CRTAC1: variants seen among roughly 807,000 people sequenced by gnomAD.
CRTAC1 encodes the protein cartilage acidic protein 1.
In CRTAC1, 37 loss-of-function variants were observed where a neutral mutation model predicts 67.8. The ratio of observed to expected loss-of-function variants is 0.55; its 90% CI spans 0.42 to 0.72. The LOEUF (loss-of-function observed/expected upper bound fraction) is 0.72. CRTAC1 is among the 30% of genes least tolerant of loss of function. The pLI is 0.00. For missense variants in CRTAC1, 780 were observed against 931.6 expected (o/e 0.84, Z 2.12); for synonymous variants, 348 against 371.0 (o/e 0.94, Z 0.71).
At chr10:97,933,225 G>A (rs2051028210) in intron 3 of CRTAC1, among the ~76,000 whole-genome samples, 1 of 152,248 alleles carries the variant, frequency 6.6e-6, no homozygotes, top group South Asian at 2.1e-4. Context: ...TCACTCAACT[G>A]AAAAATTAAC....
chr10:97,973,626 G>A (rs1317721534), intron 2 of CRTAC1, among the ~76,000 whole-genome samples: 3 of 151,992 alleles, frequency 2.0e-5, no homozygotes, highest in African/African-American at 7.3e-5. Context: ...TAATTCTAGG[G>A]AACGCTTCCC....
intron 2 of CRTAC1, among the ~76,000 whole-genome samples, chr10:97,972,328 TTATAA>T (rs1227948909): frequency 1.3e-5 from 2 of 152,104 alleles, no homozygotes; most frequent in Admixed American, 6.5e-5. Flanking sequence ...GCAGTGTATG[TTATAA>T]GGGAACAGGG....
intron 2 of CRTAC1, among the ~76,000 whole-genome samples, chr10:97,982,647 A>AG (rs1175419333): frequency 6.6e-6 from 1 of 152,208 alleles, no homozygotes; most frequent in Non-Finnish European, 1.5e-5. Flanking sequence ...AATTCAGATT[A>AG]GGGGGTGAGC....
rs902994115 is a variant in CRTAC1 at position 97,975,107 on chromosome 10, C to G, written c.224+36031G>C. Among the ~76,000 whole-genome samples the G allele has an allele frequency of 2.6e-5, 4 of 152,058 alleles. No individual in the cohort carries two copies. In the East Asian group the frequency reaches 5.8e-4, roughly 22 times the overall value. On this transcript the variant is annotated intron_variant, in intron 2 of 14. Transcript: ENST00000370597. This position sits in a 1 kb window ranked among gnomAD's most constrained non-coding sequence, Gnocchi z 4.8. ...GGCCCGGGAGGAGCGGCGGAGGGGC[C>G]GGAGCCTACAGTTAAATCTGGCTAA...
At chr10:97,934,327 G>GC (rs1233056495) in intron 3 of CRTAC1, among the ~76,000 whole-genome samples, 1 of 152,192 alleles carries the variant, frequency 6.6e-6, no homozygotes, top group African/African-American at 2.4e-5. Flanking sequence ...GCATAATCAT[G>GC]CCCTGATATT....
chr10:97,900,366 T>C (rs1346444130), intron 8 of CRTAC1, among the ~76,000 whole-genome samples: 1 of 152,248 alleles, frequency 6.6e-6, no homozygotes, highest in Non-Finnish European at 1.5e-5. Flanking sequence ...ATCCATCTTT[T>C]GGAAAATTAA....
chr10:97,937,257 G>C (rs1340560220), intron 2 of CRTAC1, among the ~76,000 whole-genome samples: 1 of 152,116 alleles, frequency 6.6e-6, no homozygotes, highest in Non-Finnish European at 1.5e-5. Context: ...CCAGGATGCT[G>C]TTCCTCCAGA....
At chr10:98,024,795 C>CCACACACACACA (rs112213274) in intron 1 of CRTAC1, among the ~76,000 whole-genome samples, 5 of 118,514 alleles carry the variant, frequency 4.2e-5, no homozygotes, top group African/African-American at 1.7e-4. Flanking sequence ...CACCTCTCCA[C>CCACACACACACA]CACACACACA....
chr10:97,876,556 T>C (rs1296579658), intron 14 of CRTAC1, among the ~76,000 whole-genome samples: 1 of 152,174 alleles, frequency 6.6e-6, no homozygotes, highest in Non-Finnish European at 1.5e-5. Context: ...GGCTGCCTGG[T>C]GCAGGCAGGT....
chr10:97,880,218 G>A, intron 14 of CRTAC1, 31 bp downstream of exon 14: 1 of 1,608,530 alleles, frequency 6.2e-7, no homozygotes, highest in African/African-American at 1.3e-5. Flanking sequence ...ACATCCTTTT[G>A]CTACTGGCCT....
intron 2 of CRTAC1, among the ~76,000 whole-genome samples, chr10:97,946,835 T>C (rs514014): frequency 0.36 from 54,872 of 151,800 alleles, 10,344 homozygotes; most frequent in Non-Finnish European, 0.43. Flanking sequence ...AACACAGAAA[T>C]TGGAACAATG....
intron 13 of CRTAC1, among the ~76,000 whole-genome samples, chr10:97,881,249 C>T (rs2050209928): frequency 6.6e-6 from 1 of 152,246 alleles, no homozygotes; most frequent in Admixed American, 6.5e-5. Flanking sequence ...CCAGGCCATA[C>T]TGGCATCCCT....
intron 2 of CRTAC1, among the ~76,000 whole-genome samples, chr10:97,953,073 C>T (rs912060566): frequency 6.6e-6 from 1 of 152,048 alleles, no homozygotes; most frequent in Non-Finnish European, 1.5e-5. Flanking sequence ...AGGAAGCCAG[C>T]GATTTTATTT....
Position 97,908,143 on chromosome 10 carries a change from GC to G in CRTAC1, c.719del (p.Gly240AlafsTer84), listed in dbSNP as rs759017820. On this transcript the variant is annotated frameshift_variant, in exon 6 of 15. Coordinates refer to ENST00000370597, the MANE Select transcript of CRTAC1 (RefSeq NM_018058.7). LOFTEE classifies it high-confidence loss of function. ...GGATGGGGCCCACGCTGACGCCTCGGCCCCCTAGAAAAGACATCGACCCACA... is the reference window on the plus strand; with the variant it reads ...GGATGGGGCCCACGCTGACGCCTCGGCCCCTAGAAAAGACATCGACCCACA... ...AEAGVSKYTG[G>X]RGVSVGPILS... is the part of the protein sequence containing the mutation. 6.2e-7 allele frequency: 1 copy of G among 1,613,968 alleles called. No individual in the cohort carries two copies. The highest frequency in any genetic ancestry group is 1.1e-5 in the South Asian group (1 of 91,064).
intron 5 of CRTAC1, among the ~76,000 whole-genome samples, chr10:97,909,896 A>T (rs1303043759): frequency 6.6e-6 from 1 of 152,236 alleles, no homozygotes; most frequent in African/African-American, 2.4e-5. Flanking sequence ...AAATCCTGTC[A>T]TTTGTGACAA....
Position 97,979,434 on chromosome 10 carries a change from A to G in CRTAC1, c.224+31704T>C, listed in dbSNP as rs140013880. On this transcript the variant is annotated intron_variant, in intron 2 of 14. Coordinates refer to ENST00000370597, the MANE Select transcript of CRTAC1 (RefSeq NM_018058.7). ...CTGGTCTAGGCAGCACCTTAAGGGC[A>G]TCAGGCTTTGGTGTCCCATCAGGAG... 3.5e-3 allele frequency among the ~76,000 whole-genome samples: 526 copies of G among 152,352 alleles called. 1 individual carries two copies. Among genetic ancestry groups the G allele is most frequent in the Non-Finnish European group, 6.1e-3 (412 of 68,030 alleles).
chr10:97,909,035 C>T (rs1478432115), intron 5 of CRTAC1, among the ~76,000 whole-genome samples: 1 of 152,104 alleles, frequency 6.6e-6, no homozygotes, highest in Non-Finnish European at 1.5e-5. Flanking sequence ...TGACTTGTTG[C>T]AATAAGAACT....
At chr10:98,022,426 C>A (rs1463386058) in intron 1 of CRTAC1, among the ~76,000 whole-genome samples, 1 of 151,876 alleles carries the variant, frequency 6.6e-6, no homozygotes, top group East Asian at 1.9e-4. Context: ...AGCCTCGACA[C>A]AAGCCATAGG....
chr10:97,874,604 C>T (rs960004249), intron 14 of CRTAC1, among the ~76,000 whole-genome samples: 39 of 152,146 alleles, frequency 2.6e-4, no homozygotes, highest in African/African-American at 7.2e-4. Context: ...TGGCACTGAA[C>T]GGGCCCGGGG....
Sources: allele counts gnomAD v4.1 joint callset (sites outside exome capture counted in the v4.1 genomes callset), GRCh38; gene constraint gnomAD v4.1.1; non-coding constraint Gnocchi (gnomAD v3.1); transcripts MANE v1.5; gene names NCBI Gene and HGNC (gene_info 2026-07-23, HGNC 2026-07-21).